The following RARS1 variants were observed in gnomAD, a reference collection of about 807,000 sequenced individuals.
RARS1 encodes the protein arginine--tRNA ligase, cytoplasmic.
RARS1 carries 75 observed loss-of-function variants against 78.7 expected under a neutral mutation model. The observed-to-expected ratio is 0.95, with a 90% CI of 0.79 to 1.15. The LOEUF (loss-of-function observed/expected upper bound fraction) is 1.15. RARS1 is among the 50% of genes most tolerant of loss of function. The probability of loss-of-function intolerance (pLI) is 0.00; values close to 1 mark genes in which losing one functional copy is unlikely to be tolerated. For missense variants in RARS1, 787 were observed against 787.5 expected, an observed-to-expected ratio of 1.00 and a Z score of 0.01; for synonymous variants, 273 against 268.2, an observed-to-expected ratio of 1.02 and a Z score of -0.18.
Position 168,492,278 on chromosome 5 carries a change from AT to A in RARS1, c.181-374del, listed in dbSNP as rs1240401497. On this transcript the variant is annotated intron_variant, in intron 2 of 14. Coordinates refer to ENST00000231572, the MANE Select transcript of RARS1 (RefSeq NM_002887.4). ...GTCAACATTTTGATGGACATCATGT[AT>A]TTTTTTGTTTGTTTTTTGTCCATTG... 5.3e-5 allele frequency among the ~76,000 whole-genome samples: 8 copies of A among 152,152 alleles called. No homozygotes were observed. The East Asian group carries it at 1.4e-3, about 26-fold the overall frequency.
intron 5 of RARS1, chr5:168,495,081 A>G (rs1758156448): frequency 3.1e-6 from 2 of 644,146 alleles, no homozygotes; most frequent in South Asian, 5.9e-5. Flanking sequence ...AATAGAATGG[A>G]TAATTTGTAT....
intron 1 of RARS1, 74 bp downstream of exon 1, chr5:168,486,617 G>C: frequency 6.7e-7 from 1 of 1,494,852 alleles, no homozygotes; most frequent in Non-Finnish European, 9.1e-7. Context: ...AAGCGGCTTC[G>C]GGGGCGGGAC....
intron 6 of RARS1, 33 bp downstream of exon 6, chr5:168,495,469 T>G (rs748007743): frequency 8.8e-6 from 14 of 1,588,372 alleles, no homozygotes; most frequent in Non-Finnish European, 1.2e-5. Flanking sequence ...CTATTCTCTT[T>G]CCTTATTTTC....
chr5:168,510,781 A>T, intron 12 of RARS1, 95 bp downstream of exon 12: 1 of 784,226 alleles, frequency 1.3e-6, no homozygotes, highest in Non-Finnish European at 2.0e-6. Context: ...GTGAGGAGTC[A>T]GTCCCACCTA....
At chr5:168,495,953 A>G (rs1220604395) in intron 6 of RARS1, among the ~76,000 whole-genome samples, 2 of 152,192 alleles carry the variant, frequency 1.3e-5, no homozygotes, top group Non-Finnish European at 1.5e-5. Flanking sequence ...GTTCTAGGCC[A>G]GCTTGGGCAA....
At chr5:168,488,159 G>T (rs761767178) in intron 1 of RARS1, 5 of 365,184 alleles carry the variant, frequency 1.4e-5, no homozygotes, top group South Asian at 6.1e-5. Flanking sequence ...ACAGAGTCTC[G>T]CTCTGTCAAG....
chr5:168,518,004 A>T lies in RARS1; in HGVS notation c.1815A>T (p.Ala605=). Residue 605 remains alanine, a synonymous_variant, in exon 14 of 15, where the codon GCA becomes GCT. Coordinates refer to ENST00000231572, the MANE Select transcript of RARS1 (RefSeq NM_002887.4). The part of the protein sequence containing the change: ...HTLCDYIYEL[A]TAFTEFYDSC... ...TCTGTGATTATATATATGAGCTGGC[A>T]ACTGCTTTCACAGAGTTCTATGATA... The T allele has an allele frequency of 6.3e-7, 1 of 1,593,398 alleles. No individual in the cohort carries two copies. Among genetic ancestry groups the T allele is most frequent in the Non-Finnish European group, 8.5e-7 (1 of 1,169,808 alleles).
chr5:168,511,324 A>C lies in RARS1; in HGVS notation c.1452+638A>C, dbSNP rs531200470. Among the ~76,000 whole-genome samples, 7 of 152,108 alleles carry C rather than the reference A, an allele frequency of 4.6e-5. No individual in the cohort carries two copies. In the East Asian group the frequency reaches 1.2e-3, roughly 25 times the overall value. ...GCTGTAGGAGCATGGCACCAACATC[A>C]GTTGGCTTCTGGGAAGGCCTCAGGG... On this transcript the variant is annotated intron_variant, in intron 12 of 14. Transcript: ENST00000231572.
At position 168,488,744 on chromosome 5, in the gene RARS1, C is replaced by G; in HGVS notation, c.180+8C>G. The G allele has an allele frequency of 1.3e-6, 2 of 1,585,708 alleles. No individual in the cohort carries two copies. The highest frequency in any genetic ancestry group is 1.7e-6 in the Non-Finnish European group (2 of 1,170,256). ...CTGAATATTCTTCGAAAGGTGAGTA[C>G]TTTGGGTTCCAGTTTTATTCTCCAG... On this transcript the variant is annotated splice_region_variant and intron_variant, in intron 2 of 14. Transcript: ENST00000231572.
At chr5:168,518,442 CCAAT>C (rs1224398397) in intron 14 of RARS1, among the ~76,000 whole-genome samples, 2 of 152,014 alleles carry the variant, frequency 1.3e-5, no homozygotes, top group East Asian at 1.9e-4. Flanking sequence ...GGAACTCTGC[CCAAT>C]CAGTCTACTT....
intron 7 of RARS1, among the ~76,000 whole-genome samples, chr5:168,498,740 G>A (rs1181450902): frequency 6.6e-6 from 1 of 152,138 alleles, no homozygotes; most frequent in African/African-American, 2.4e-5. Context: ...GCCAAGGTGG[G>A]CAAAATGCTT....
intron 9 of RARS1, 21 bp from the exon 10 acceptor site, chr5:168,506,000 G>A (rs1758436559): frequency 1.3e-6 from 2 of 1,575,106 alleles, no homozygotes; most frequent in Non-Finnish European, 1.7e-6. Flanking sequence ...CTTTATTAAT[G>A]AAGTGTTTTT....
At position 168,500,668 on chromosome 5, in the gene RARS1, A is replaced by G; in HGVS notation, c.900A>G (p.Lys300=). Residue 300 remains lysine, a synonymous_variant, in exon 8 of 15, where the codon AAA becomes AAG. Transcript: ENST00000231572. ...AYQCVVLLQG[K]NPDITKAWKL... is the part of the protein sequence containing the mutation. ...AGTGTGTAGTTCTGCTCCAGGGTAA[A>G]AACCCAGATATTACAAAAGCTTGGA... The G allele has an allele frequency of 1.2e-6, 2 of 1,610,842 alleles. No individual in the cohort carries two copies. The highest frequency in any genetic ancestry group is 1.1e-5 in the South Asian group (1 of 90,448).
chr5:168,489,634 C>T (rs1196533472), intron 2 of RARS1, among the ~76,000 whole-genome samples: 6 of 152,014 alleles, frequency 3.9e-5, no homozygotes, highest in South Asian at 4.2e-4. Context: ...GCCTGCCTTT[C>T]GTATTTGGTG....
intron 11 of RARS1, among the ~76,000 whole-genome samples, chr5:168,507,976 G>A (rs376193710): frequency 8.5e-5 from 13 of 152,082 alleles, no homozygotes; most frequent in African/African-American, 3.1e-4. Context: ...AGTGAGGCGA[G>A]ATCATATCAC....
chr5:168,488,794 A>C, intron 2 of RARS1, 58 bp downstream of exon 2: 3 of 1,496,576 alleles, frequency 2.0e-6, no homozygotes, highest in Non-Finnish European at 2.7e-6. Context: ...GCTTTTTTAA[A>C]GCCTTTGTTA....
chr5:168,505,732 A>T (rs1758431112), intron 9 of RARS1, among the ~76,000 whole-genome samples: 1 of 148,318 alleles, frequency 6.7e-6, no homozygotes, highest in Admixed American at 6.7e-5. Flanking sequence ...AAAAAAAAAA[A>T]AAAGCAGTTG....
intron 9 of RARS1, among the ~76,000 whole-genome samples, chr5:168,503,429 A>G (rs1303223886): frequency 6.6e-6 from 1 of 152,232 alleles, no homozygotes; most frequent in Non-Finnish European, 1.5e-5. Flanking sequence ...CAATTGCAGA[A>G]TAATAGGTTT....
At chr5:168,511,735 C>G (rs1347860030) in intron 12 of RARS1, among the ~76,000 whole-genome samples, 2 of 151,548 alleles carry the variant, frequency 1.3e-5, no homozygotes, top group African/African-American at 2.4e-5. Context: ...GAACACCAAT[C>G]AAGATATATT....
Sources: allele counts gnomAD v4.1 joint callset (sites outside exome capture counted in the v4.1 genomes callset), GRCh38; gene constraint gnomAD v4.1.1; transcripts MANE v1.5; gene names NCBI Gene and HGNC (gene_info 2026-07-23, HGNC 2026-07-21).